The following ZNF704 variants were observed in gnomAD, a reference collection of about 807,000 sequenced individuals.
ZNF704 encodes the protein glucocorticoid induced gene 1.
Under a neutral mutation model 44.7 loss-of-function variants are expected in ZNF704, and 10 were observed. The ratio of observed to expected loss-of-function variants is 0.22; its 90% CI spans 0.14 to 0.38. The LOEUF (loss-of-function observed/expected upper bound fraction) is 0.38, where lower values mean the gene tolerates loss of function less well. Among genes scored for constraint, ZNF704 ranks in the 10% least tolerant of loss-of-function variants. The pLI, the probability that ZNF704 is intolerant of heterozygous loss-of-function variation, is 1.00. For missense variants in ZNF704, 390 were observed against 545.5 expected (o/e 0.71, Z 2.84); for synonymous variants, 211 against 207.6 (o/e 1.02, Z -0.14).
chr8:80,690,157 G>A (rs1188748864), intron 3 of ZNF704, among the ~76,000 whole-genome samples: 3 of 151,992 alleles, frequency 2.0e-5, no homozygotes, highest in African/African-American at 7.2e-5. Context: ...ACAATTTGGG[G>A]TTATTAGTTG....
intron 4 of ZNF704, among the ~76,000 whole-genome samples, chr8:80,681,524 A>G (rs1818453597): frequency 1.3e-5 from 2 of 152,118 alleles, no homozygotes; most frequent in African/African-American, 2.4e-5. Context: ...GCGTATGAGG[A>G]GTGCTGGCCT....
chr8:80,779,015 T>TA (rs1272707026), intron 2 of ZNF704, among the ~76,000 whole-genome samples: 11 of 150,376 alleles, frequency 7.3e-5, no homozygotes, highest in South Asian at 2.1e-4. Context: ...AAATAAAATT[T>TA]AAAAAAAAAG....
At chr8:80,790,061 T>C (rs1807678411) in intron 2 of ZNF704, among the ~76,000 whole-genome samples, 1 of 152,174 alleles carries the variant, frequency 6.6e-6, no homozygotes, top group Non-Finnish European at 1.5e-5. Flanking sequence ...GCACTGGTTA[T>C]CAATACCACA....
At chr8:80,858,425 GGTTT>G (rs1357601358) in intron 1 of ZNF704, among the ~76,000 whole-genome samples, 1 of 152,074 alleles carries the variant, frequency 6.6e-6, no homozygotes, top group African/African-American at 2.4e-5. Flanking sequence ...TTTATTCAAT[GGTTT>G]ATTTAGAAGA....
intron 2 of ZNF704, among the ~76,000 whole-genome samples, chr8:80,777,526 C>T (rs1253395308): frequency 6.6e-6 from 1 of 152,148 alleles, no homozygotes; most frequent in African/African-American, 2.4e-5. Context: ...TTTATTTTCT[C>T]TGTGTATCTT....
chr8:80,681,763 C>A (rs577727169), intron 4 of ZNF704, among the ~76,000 whole-genome samples: 1 of 152,130 alleles, frequency 6.6e-6, no homozygotes, highest in African/African-American at 2.4e-5. Context: ...TCTTTGGGGA[C>A]GTCTGGACAT....
chr8:80,666,884 G>A (rs1408102002), intron 5 of ZNF704, among the ~76,000 whole-genome samples: 2 of 151,502 alleles, frequency 1.3e-5, no homozygotes, highest in African/African-American at 2.4e-5. Flanking sequence ...CAGATGAGTA[G>A]GTTGCGAAAA....
chr8:80,880,031 G>T, the ZNF704 span, among the ~76,000 whole-genome samples: 1 of 152,274 alleles, frequency 6.6e-6, no homozygotes, highest in Non-Finnish European at 1.5e-5. Context: ...GTGGTCCTCT[G>T]TCTTTCTGTC....
Position 80,630,308 on chromosome 8 carries a change from C to T in ZNF704, c.*11058G>A, listed in dbSNP as rs1189116172. 1 of 152,204 alleles carries T rather than the reference C, an allele frequency of 6.6e-6. No individual in the cohort carries two copies. Among genetic ancestry groups the T allele is most frequent in the African/African-American group, 2.4e-5 (1 of 41,448 alleles). The allele number at this position is 152,204 out of a possible 1,614,324, so 9.4% of individuals were successfully genotyped here. A position where few individuals can be genotyped will look rare whatever the true frequency, so the allele number is the denominator to read the frequency against. On this transcript the variant is annotated 3_prime_UTR_variant, in exon 9 of 9. Coordinates refer to ENST00000327835, the MANE Select transcript of ZNF704 (RefSeq NM_001033723.3). ...AACATTGGACAGCATTGCCACCTAG[C>T]TTTTGAGTTAGCACTCAATGACATG... is the stretch of plus-strand genomic sequence containing the variant.
At chr8:80,671,570 T>C (rs1428919886) in intron 4 of ZNF704, among the ~76,000 whole-genome samples, 1 of 152,252 alleles carries the variant, frequency 6.6e-6, no homozygotes, top group Non-Finnish European at 1.5e-5. Context: ...ATTATGATTA[T>C]GCATCCTAGA....
In ZNF704 at chr8:80,643,057, G is replaced by A. The variant is rs139770536; in HGVS notation, c.1105C>T (p.Pro369Ser). Reference sequence around the variant, plus strand: ...TACCTTAAGCTGACTGTGCCTCTGGGTGGGGAGGACAGGACCGTGTGCGCA... The same window carrying A: ...TACCTTAAGCTGACTGTGCCTCTGGATGGGGAGGACAGGACCGTGTGCGCA... ...QHAHTVLSSP[P>S]RGTVSLRKPR... Residue 369 changes from proline (P) to serine (S), a missense_variant, in exon 8 of 9, where the codon CCC (proline) becomes TCC (serine). By Grantham distance (74) the Pro-to-Ser change is moderately conservative (BLOSUM62 -1). Transcript: ENST00000327835. The A allele has an allele frequency of 1.3e-6, 2 of 1,594,270 alleles. No homozygotes were observed. The highest frequency in any genetic ancestry group is 1.7e-6 in the Non-Finnish European group (2 of 1,169,798).
At chr8:80,729,216 T>C (rs1214505391) in intron 2 of ZNF704, among the ~76,000 whole-genome samples, 1 of 152,026 alleles carries the variant, frequency 6.6e-6, no homozygotes, top group Non-Finnish European at 1.5e-5. Context: ...GGAGGTGAGA[T>C]GTAAACTACT....
At chr8:80,753,906 T>C (rs1378068922) in intron 2 of ZNF704, among the ~76,000 whole-genome samples, 1 of 152,092 alleles carries the variant, frequency 6.6e-6, no homozygotes, top group East Asian at 1.9e-4. Context: ...TCTCTAGCAT[T>C]TGCTGTTTTG....
chr8:80,706,179 T>G (rs1031855800), intron 2 of ZNF704, among the ~76,000 whole-genome samples: 1 of 152,246 alleles, frequency 6.6e-6, no homozygotes, highest in Non-Finnish European at 1.5e-5. Flanking sequence ...CTGATGGGGT[T>G]AAGTATGTTA....
chr8:80,698,110 G>T (rs904995774), intron 2 of ZNF704, among the ~76,000 whole-genome samples: 3 of 152,172 alleles, frequency 2.0e-5, no homozygotes, highest in African/African-American at 7.2e-5. Flanking sequence ...CTCACTCTTG[G>T]AGCACTAGGG....
intron 2 of ZNF704, among the ~76,000 whole-genome samples, chr8:80,717,516 T>C (rs1355619313): frequency 6.6e-6 from 1 of 152,236 alleles, no homozygotes; most frequent in Non-Finnish European, 1.5e-5. Context: ...TAGGGCGTTG[T>C]GAGATTCGAG....
upstream of ZNF704, among the ~76,000 whole-genome samples, chr8:80,878,087 A>G (rs949251789): frequency 9.2e-5 from 14 of 152,182 alleles, no homozygotes; most frequent in African/African-American, 3.4e-4. Context: ...ACTGCTGCGG[A>G]AGAACGAGAG....
intron 2 of ZNF704, among the ~76,000 whole-genome samples, chr8:80,792,358 A>C (rs967069089): frequency 6.6e-6 from 1 of 152,206 alleles, no homozygotes; most frequent in African/African-American, 2.4e-5. Flanking sequence ...CAGGTTTAAC[A>C]CTTGGAAATA....
chr8:80,732,492 C>T (rs544606797), intron 2 of ZNF704, among the ~76,000 whole-genome samples: 1 of 152,318 alleles, frequency 6.6e-6, no homozygotes, highest in East Asian at 1.9e-4. Flanking sequence ...GAAAACCAGC[C>T]ACCATGTCAT....
Sources: gnomAD v4.1 joint callset for allele counts (sites outside exome capture counted in the v4.1 genomes callset) on GRCh38, gnomAD v4.1.1 for gene constraint, MANE v1.5 for transcripts, NCBI Gene and HGNC (gene_info 2026-07-23, HGNC 2026-07-21) for gene names.